ADAD1: variants seen among roughly 807,000 people sequenced by gnomAD.
ADAD1 encodes adenosine deaminase domain-containing protein 1.
A neutral mutation model predicts 66.8 loss-of-function variants in ADAD1; 46 were observed. The observed-to-expected ratio is 0.69, with a 90% CI of 0.54 to 0.88. The LOEUF is 0.88. Among genes scored for constraint, ADAD1 ranks in the 40% least tolerant of loss-of-function variants. The pLI, the probability that ADAD1 is intolerant of heterozygous loss-of-function variation, is 0.00. For synonymous variants in ADAD1, 248 were observed against 229.4 expected (o/e 1.08, Z -0.73); for missense variants, 617 against 681.8 (o/e 0.91, Z 1.06).
At chr4:122,423,412 T>C (rs1168710096) in intron 12 of ADAD1, among the ~76,000 whole-genome samples, 1 of 152,104 alleles carries the variant, frequency 6.6e-6, no homozygotes, top group Non-Finnish European at 1.5e-5. Flanking sequence ...AAAACTACAC[T>C]CATGTGCAGG....
At chr4:122,396,078 A>G (rs1247294001) in intron 6 of ADAD1, among the ~76,000 whole-genome samples, 174 bp from the exon 7 acceptor site, 1 of 152,206 alleles carries the variant, frequency 6.6e-6, no homozygotes, top group African/African-American at 2.4e-5. Flanking sequence ...TCAATAACTC[A>G]TATTCTTTTA....
At chr4:122,414,336 T>G (rs930077414) in intron 10 of ADAD1, among the ~76,000 whole-genome samples, 2 of 150,884 alleles carry the variant, frequency 1.3e-5, no homozygotes, top group Non-Finnish European at 3.0e-5. Flanking sequence ...TACATTAGGC[T>G]TTTTAAAAAT....
chr4:122,390,130 T>C lies in ADAD1; in HGVS notation c.530-3459T>C, dbSNP rs534763598. 5.8e-4 allele frequency among the ~76,000 whole-genome samples: 89 copies of C among 152,356 alleles called. 1 individual carries two copies. The South Asian group carries it at 0.017, about 30-fold the overall frequency. The stretch of plus-strand genomic sequence containing the variant: ...CTTCACTTATGAAGCTTAGTTTGGC[T>C]GGATGTGAAATTCTGGGTTGATAGT... On this transcript the variant is annotated intron_variant, in intron 5 of 12. Coordinates refer to ENST00000296513, the MANE Select transcript of ADAD1 (RefSeq NM_139243.4).
At chr4:122,417,338 A>T (rs914399551) in intron 11 of ADAD1, among the ~76,000 whole-genome samples, 3 of 122,206 alleles carry the variant, frequency 2.5e-5, no homozygotes, top group Non-Finnish European at 4.8e-5. Context: ...CTCCATCTTT[A>T]AAAAAAAAAA....
Position 122,391,906 on chromosome 4 carries a change from C to T in ADAD1, c.530-1683C>T, listed in dbSNP as rs191805547. On this transcript the variant is annotated intron_variant, in intron 5 of 12. Transcript: ENST00000296513. ...TGTATTTTTAGTAAAGATAGGGTTT[C>T]GCCATGTTGCCCAGGCTGGTCTCAA... is the stretch of plus-strand genomic sequence containing the variant. 9.2e-5 allele frequency among the ~76,000 whole-genome samples: 14 copies of T among 152,162 alleles called. No homozygotes were observed. In the East Asian group the frequency reaches 2.1e-3, roughly 23 times the overall value.
intron 11 of ADAD1, among the ~76,000 whole-genome samples, chr4:122,419,245 G>A (rs1796897843): frequency 6.6e-6 from 1 of 152,190 alleles, no homozygotes. Context: ...GGATGGAGCT[G>A]GAGGCCGCTA....
intron 9 of ADAD1, among the ~76,000 whole-genome samples, chr4:122,411,604 A>T (rs945008155): frequency 1.3e-5 from 2 of 152,162 alleles, no homozygotes; most frequent in African/African-American, 4.8e-5. Context: ...CCCAAATCCA[A>T]AAGTCTGAGA....
intron 9 of ADAD1, 32 bp downstream of exon 9, chr4:122,411,424 A>G (rs1256199347): frequency 5.1e-6 from 8 of 1,577,780 alleles, no homozygotes; most frequent in Non-Finnish European, 6.9e-6. Context: ...TTTAAAAGCA[A>G]GTAGGATGGC....
chr4:122,418,528 T>C (rs1385487924), intron 11 of ADAD1, among the ~76,000 whole-genome samples: 1 of 152,074 alleles, frequency 6.6e-6, no homozygotes, highest in African/African-American at 2.4e-5. Context: ...TTCACCGTGT[T>C]ATCCAGGATG....
At chr4:122,414,283 G>T (rs531542489) in intron 10 of ADAD1, among the ~76,000 whole-genome samples, 1 of 118,790 alleles carries the variant, frequency 8.4e-6, no homozygotes, top group African/African-American at 3.0e-5. Flanking sequence ...TTTGGGGGGG[G>T]GGGTACAACT....
At chr4:122,396,416 A>G in intron 7 of ADAD1, 39 bp downstream of exon 7, 1 of 1,484,826 alleles carries the variant, frequency 6.7e-7, no homozygotes, top group Non-Finnish European at 9.1e-7. Flanking sequence ...TATTGTAATA[A>G]TCTAATAGTA....
chr4:122,385,474 T>C (rs900359937), intron 5 of ADAD1, among the ~76,000 whole-genome samples: 10 of 152,152 alleles, frequency 6.6e-5, no homozygotes, highest in African/African-American at 2.2e-4. Context: ...GGTTTCACCA[T>C]GTTGGCCAGG....
intron 7 of ADAD1, among the ~76,000 whole-genome samples, chr4:122,397,640 G>A (rs1475983210): frequency 6.6e-6 from 1 of 152,132 alleles, no homozygotes; most frequent in African/African-American, 2.4e-5. Flanking sequence ...TTGTGATGGA[G>A]TGCCTACATT....
At position 122,415,556 on chromosome 4, in the gene ADAD1, G is replaced by A. The variant is rs1796692645; in HGVS notation, c.1427G>A (p.Trp476Ter). The change falls in exon 11 of 13, where the codon TGG becomes TAG. Residue 476 changes from tryptophan to a stop codon, truncating the protein, a stop_gained. Transcript: ENST00000296513. LOFTEE classifies it high-confidence loss of function. ...GAATATAAATTTCTGAGTCTGAATT[G>A]GGCACAAGGAGATGTTTCTTTGGAG... ...NLEYKFLSLN[W>*]AQGDVSLEIV... 6.2e-7 allele frequency: 1 copy of A among 1,613,870 alleles called. No homozygotes were observed. Among genetic ancestry groups the A allele is most frequent in the Non-Finnish European group, 8.5e-7 (1 of 1,179,824 alleles).
In ADAD1 at chr4:122,412,591, C is replaced by T. The variant is rs1359968479; in HGVS notation, c.1031C>T (p.Pro344Leu). 1 of 1,613,150 alleles carries T rather than the reference C, an allele frequency of 6.2e-7. No homozygotes were observed. The highest frequency in any genetic ancestry group is 2.2e-5 in the East Asian group (1 of 44,852). The change falls in exon 10 of 13, where the codon CCA becomes CTA. Residue 344 changes from proline to leucine, a missense_variant. Coordinates refer to ENST00000296513, the MANE Select transcript of ADAD1 (RefSeq NM_139243.4). Reference protein sequence around the residue: ...AQIKSQLRLNPHSISAFEANE... With the variant: ...AQIKSQLRLNLHSISAFEANE... ...TTTTCTTTCTCTAGACGTCTTAATC[C>T]ACATTCTATATCTGCATTTGAAGCC...
At chr4:122,379,224 AC>A (rs1794747468) in intron 1 of ADAD1, 109 bp downstream of exon 1, 1 of 152,418 alleles carries the variant, frequency 6.6e-6, no homozygotes, top group African/African-American at 2.4e-5. Context: ...GTAGGGGGGC[AC>A]GGGACAGTAA....
intron 4 of ADAD1, among the ~76,000 whole-genome samples, chr4:122,381,852 A>G (rs902267106): frequency 3.3e-5 from 5 of 152,098 alleles, no homozygotes; most frequent in African/African-American, 9.7e-5. Flanking sequence ...GTATATGTAC[A>G]TGTGTGTGTG....
chr4:122,398,937 C>A (rs1412850968), intron 7 of ADAD1, among the ~76,000 whole-genome samples: 1 of 151,914 alleles, frequency 6.6e-6, no homozygotes, highest in Non-Finnish European at 1.5e-5. Flanking sequence ...GATTACTCTG[C>A]TGATTATTTC....
intron 12 of ADAD1, among the ~76,000 whole-genome samples, chr4:122,427,910 G>A (rs950007142): frequency 6.6e-6 from 1 of 152,076 alleles, no homozygotes; most frequent in African/African-American, 2.4e-5. Flanking sequence ...CTTACAATAA[G>A]GCTATAGTAA....
Sources: gnomAD v4.1 joint callset for allele counts (sites outside exome capture counted in the v4.1 genomes callset) on GRCh38, gnomAD v4.1.1 for gene constraint, MANE v1.5 for transcripts, NCBI Gene and HGNC (gene_info 2026-07-23, HGNC 2026-07-21) for gene names.